PPP3CA: variants seen among roughly 807,000 people sequenced by gnomAD.
The protein encoded by PPP3CA is protein phosphatase 3 catalytic subunit alpha.
Under a neutral mutation model 66.5 loss-of-function variants are expected in PPP3CA, and 14 were observed. The ratio of observed to expected loss-of-function variants is 0.21; its 90% CI spans 0.14 to 0.33. The LOEUF (loss-of-function observed/expected upper bound fraction) is 0.33, where lower values mean the gene tolerates loss of function less well. Ranked by LOEUF, PPP3CA falls within the 10% of genes least tolerant of loss-of-function variation. PPP3CA has a pLI of 1.00. For missense variants in PPP3CA, 317 were observed against 639.5 expected, an observed-to-expected ratio of 0.50 and a Z score of 5.44; for synonymous variants, 232 against 226.2, an observed-to-expected ratio of 1.03 and a Z score of -0.23.
At chr4:101,181,640 C>T (rs974063248) in intron 2 of PPP3CA, among the ~76,000 whole-genome samples, 1 of 151,954 alleles carries the variant, frequency 6.6e-6, no homozygotes, top group Non-Finnish European at 1.5e-5. Flanking sequence ...GCAGCCAGAC[C>T]ACTCAAAAAT....
intron 2 of PPP3CA, among the ~76,000 whole-genome samples, chr4:101,176,447 TCTAG>T (rs1385236113): frequency 6.6e-6 from 1 of 152,150 alleles, no homozygotes; most frequent in African/African-American, 2.4e-5. Context: ...CACAAGAGCA[TCTAG>T]AAGACCAGAG....
At chr4:101,104,478 T>C (rs1480721343) in intron 3 of PPP3CA, among the ~76,000 whole-genome samples, 1 of 151,990 alleles carries the variant, frequency 6.6e-6, no homozygotes, top group Non-Finnish European at 1.5e-5. Flanking sequence ...TGGTGCTTTG[T>C]GGTACATGTA....
intron 11 of PPP3CA, among the ~76,000 whole-genome samples, chr4:101,036,504 G>T (rs114560945): frequency 6.6e-6 from 1 of 151,908 alleles, no homozygotes; most frequent in Non-Finnish European, 1.5e-5. Flanking sequence ...CCCCGCCTCC[G>T]GGGTTTATGG....
intron 1 of PPP3CA, among the ~76,000 whole-genome samples, chr4:101,323,328 A>G (rs1169851132): frequency 6.6e-6 from 1 of 152,212 alleles, no homozygotes; most frequent in Non-Finnish European, 1.5e-5. Context: ...GCTTTGGGGA[A>G]GGCAATTATT....
At chr4:101,272,883 G>C (rs1727376360) in intron 1 of PPP3CA, among the ~76,000 whole-genome samples, 1 of 152,162 alleles carries the variant, frequency 6.6e-6, no homozygotes, top group Non-Finnish European at 1.5e-5. Flanking sequence ...TAAGGTAAGA[G>C]AGTTAGCTGA....
chr4:101,164,019 C>T (rs375133809), intron 2 of PPP3CA, among the ~76,000 whole-genome samples: 2 of 151,766 alleles, frequency 1.3e-5, no homozygotes, highest in Non-Finnish European at 2.9e-5. Flanking sequence ...CTTGCTCTGT[C>T]ACCCAGGCTG....
chr4:101,212,995 T>A lies in PPP3CA; in HGVS notation c.59-16879A>T, dbSNP rs141119005. The stretch of plus-strand genomic sequence containing the variant: ...ATCAATCATGCCTCATTTCCCAACA[T>A]TTTTCCTATAAAACTCAGTCCTCCT... On this transcript the variant is annotated intron_variant, in intron 1 of 13. Transcript: ENST00000394854. Among the ~76,000 whole-genome samples the A allele has an allele frequency of 1.5e-3, 226 of 152,238 alleles. 10 individuals carry two copies. In the East Asian group the frequency reaches 0.026, roughly 18 times the overall value.
At chr4:101,300,164 A>G (rs1728330786) in intron 1 of PPP3CA, among the ~76,000 whole-genome samples, 1 of 152,346 alleles carries the variant, frequency 6.6e-6, no homozygotes, top group Middle Eastern at 3.4e-3. Flanking sequence ...ACCACAAATC[A>G]GACAAATAAG....
At chr4:101,322,073 G>A (rs1729057584) in intron 1 of PPP3CA, among the ~76,000 whole-genome samples, 1 of 152,098 alleles carries the variant, frequency 6.6e-6, no homozygotes, top group Non-Finnish European at 1.5e-5. Context: ...TAGGCTTTCT[G>A]GTTAAATGTT....
chr4:101,055,579 A>G (rs1728190791), intron 10 of PPP3CA, among the ~76,000 whole-genome samples: 1 of 152,150 alleles, frequency 6.6e-6, no homozygotes, highest in Admixed American at 6.6e-5. Context: ...TAAAACAGCA[A>G]TCTTTTTCCA....
intron 8 of PPP3CA, among the ~76,000 whole-genome samples, chr4:101,064,954 T>G (rs1560584584): frequency 6.6e-6 from 1 of 152,018 alleles, no homozygotes; most frequent in Non-Finnish European, 1.5e-5. Context: ...TGAATTGCTA[T>G]TTCTGGCTGA....
At chr4:101,338,234 T>C (rs1560725793) in intron 1 of PPP3CA, among the ~76,000 whole-genome samples, 1 of 152,230 alleles carries the variant, frequency 6.6e-6, no homozygotes, top group Non-Finnish European at 1.5e-5. Context: ...CTGCCAGTTA[T>C]GCTTCTGCAT....
In PPP3CA at chr4:101,133,841, A is replaced by C. The variant is rs558516404; in HGVS notation, c.260-24763T>G. Among the ~76,000 whole-genome samples, 4 of 152,358 alleles carry C rather than the reference A, an allele frequency of 2.6e-5. No individual in the cohort carries two copies. In the South Asian group the frequency reaches 8.3e-4, roughly 32 times the overall value. ...GGAGGCATCAAGCTACCTGACTTCAAACTATACTACAAGGCTACAGTAACC... is the reference window on the plus strand; with the variant it reads ...GGAGGCATCAAGCTACCTGACTTCACACTATACTACAAGGCTACAGTAACC... On this transcript the variant is annotated intron_variant, in intron 2 of 13. Transcript: ENST00000394854.
rs141703538 is a variant in PPP3CA, at chr4:101,262,814, C to T, written c.59-66698G>A. On this transcript the variant is annotated intron_variant, in intron 1 of 13. Transcript: ENST00000394854. ...ACTATCCACCTGACCACCTTACTCC[C>T]ATAGTTAGTGGGCTGGCTACTTTGC... is the stretch of plus-strand genomic sequence containing the variant. Among the ~76,000 whole-genome samples, 1,251 of 152,236 alleles carry T rather than the reference C, an allele frequency of 8.2e-3. 11 individuals carry two copies. Among genetic ancestry groups the T allele is most frequent in the Middle Eastern group, 0.02 (6 of 294 alleles).
chr4:101,315,470 C>A (rs1016108546), intron 1 of PPP3CA, among the ~76,000 whole-genome samples: 1 of 152,154 alleles, frequency 6.6e-6, no homozygotes, highest in African/African-American at 2.4e-5. Flanking sequence ...GCTCTTTCCC[C>A]CATGCATATT....
chr4:101,329,240 T>C (rs781329936), intron 1 of PPP3CA, among the ~76,000 whole-genome samples: 9 of 152,146 alleles, frequency 5.9e-5, no homozygotes, highest in Non-Finnish European at 1.3e-4. Context: ...AGAAAAGTTT[T>C]TGTGGTCTGG....
intron 2 of PPP3CA, among the ~76,000 whole-genome samples, chr4:101,118,880 T>A (rs553604008): frequency 3.4e-4 from 51 of 151,992 alleles, no homozygotes; most frequent in Non-Finnish European, 6.8e-4. Context: ...AAATTATGAC[T>A]TGTGTAACTG....
At chr4:101,084,643 CAAA>C (rs1206180027) in intron 6 of PPP3CA, among the ~76,000 whole-genome samples, 1 of 114,422 alleles carries the variant, frequency 8.7e-6, no homozygotes. Flanking sequence ...AACTCCATCT[CAAA>C]AAAAAAAAAA....
At chr4:101,297,723 T>G (rs1351369562) in intron 1 of PPP3CA, among the ~76,000 whole-genome samples, 1 of 152,176 alleles carries the variant, frequency 6.6e-6, no homozygotes, top group Non-Finnish European at 1.5e-5. Flanking sequence ...GGAATATTCA[T>G]CTGGATAATG....
Sources: gnomAD v4.1 joint callset for allele counts (sites outside exome capture counted in the v4.1 genomes callset) on GRCh38, gnomAD v4.1.1 for gene constraint, MANE v1.5 for transcripts, NCBI Gene and HGNC (gene_info 2026-07-23, HGNC 2026-07-21) for gene names.